The following RARB variants were observed in gnomAD, a reference collection of about 807,000 sequenced individuals.
RARB encodes the protein HBV-activated protein.
In RARB, 17 loss-of-function variants were observed where a neutral mutation model predicts 51.9. The observed-to-expected ratio is 0.33, with a 90% confidence interval of 0.22 to 0.49. RARB has a LOEUF of 0.49. Among genes scored for constraint, RARB ranks in the 20% least tolerant of loss-of-function variants. The pLI, the probability that RARB is intolerant of heterozygous loss-of-function variation, is 0.99. For missense variants in RARB, 369 were observed against 550.8 expected (o/e 0.67, Z 3.30); for synonymous variants, 215 against 195.4 (o/e 1.10, Z -0.84).
chr3:25,240,848 A>T (rs1433020778), intron 5 of RARB, among the ~76,000 whole-genome samples: 4 of 152,138 alleles, frequency 2.6e-5, no homozygotes, highest in Non-Finnish European at 5.9e-5. Context: ...TTGGCTTTGT[A>T]GAATGAATTA....
At chr3:25,519,082 T>C (rs1698294319) in intron 3 of RARB, among the ~76,000 whole-genome samples, 1 of 152,222 alleles carries the variant, frequency 6.6e-6, no homozygotes, top group African/African-American at 2.4e-5. Flanking sequence ...ATTACCTCTG[T>C]AGGATTTTCC....
chr3:24,868,864 G>T (rs2125347690), intron 2 of RARB, among the ~76,000 whole-genome samples: 1 of 152,164 alleles, frequency 6.6e-6, no homozygotes, highest in East Asian at 1.9e-4. Flanking sequence ...CAGATGGCCT[G>T]CCTTTCTGGG....
intron 3 of RARB, among the ~76,000 whole-genome samples, chr3:25,068,821 G>T (rs770744911): frequency 2.0e-5 from 3 of 152,110 alleles, no homozygotes; most frequent in Admixed American, 6.5e-5. Context: ...GGGGAAGAGC[G>T]GCTTATCTTC....
At chr3:25,276,869 T>A (rs1319172952) in intron 5 of RARB, among the ~76,000 whole-genome samples, 1 of 152,192 alleles carries the variant, frequency 6.6e-6, no homozygotes, top group East Asian at 1.9e-4. Context: ...ACGGTATATA[T>A]TGGCAGTAAT....
chr3:25,061,119 G>A (rs1035120081), intron 3 of RARB, among the ~76,000 whole-genome samples: 11 of 151,842 alleles, frequency 7.2e-5, no homozygotes, highest in Admixed American at 6.6e-4. Flanking sequence ...ACTTGGCCTG[G>A]AACTTTTGCA....
intron 1 of RARB, among the ~76,000 whole-genome samples, chr3:25,457,876 G>A (rs1372667384): frequency 6.6e-6 from 1 of 152,084 alleles, no homozygotes; most frequent in Non-Finnish European, 1.5e-5. Context: ...AAAACACACC[G>A]CTCCCCACCT....
intron 2 of RARB, among the ~76,000 whole-genome samples, chr3:24,943,598 G>A (rs1695715041): frequency 6.6e-6 from 1 of 152,132 alleles, no homozygotes; most frequent in South Asian, 2.1e-4. Flanking sequence ...AGGAAATGTG[G>A]GTGCAGGTTT....
intron 5 of RARB, among the ~76,000 whole-genome samples, chr3:25,353,904 A>G (rs1036052662): frequency 1.3e-5 from 2 of 152,094 alleles, no homozygotes; most frequent in Non-Finnish European, 2.9e-5. Context: ...AAGGAGAGAG[A>G]ACAAGAGTTT....
chr3:25,350,273 T>C (rs149385904), intron 5 of RARB, among the ~76,000 whole-genome samples: 1 of 152,238 alleles, frequency 6.6e-6, no homozygotes, highest in African/African-American at 2.4e-5. Flanking sequence ...ACTGAAGTCA[T>C]GATGATGCTG....
chr3:25,036,055 T>C (rs1697985643), intron 2 of RARB, among the ~76,000 whole-genome samples: 2 of 152,310 alleles, frequency 1.3e-5, no homozygotes, highest in African/African-American at 4.8e-5. Context: ...CCAAGTACTA[T>C]GCCACGCTGT....
At chr3:25,297,698 C>T (rs887238640) in intron 5 of RARB, among the ~76,000 whole-genome samples, 2 of 151,944 alleles carry the variant, frequency 1.3e-5, no homozygotes, top group African/African-American at 4.8e-5. Flanking sequence ...CTGTTAAAAG[C>T]AAGAGATGGT....
At chr3:25,519,455 G>C (rs1031121945) in intron 3 of RARB, among the ~76,000 whole-genome samples, 1 of 152,132 alleles carries the variant, frequency 6.6e-6, no homozygotes, top group Non-Finnish European at 1.5e-5. Context: ...TAATTTCAGA[G>C]ATCCTCCTGG....
chr3:25,011,746 G>C (rs900669363), intron 2 of RARB, among the ~76,000 whole-genome samples: 1 of 152,084 alleles, frequency 6.6e-6, no homozygotes, highest in Admixed American at 6.6e-5. Context: ...AAAGAAGTTG[G>C]TGTGTCCTTA....
chr3:25,028,987 G>T (rs1467359086), intron 2 of RARB, among the ~76,000 whole-genome samples: 2 of 152,144 alleles, frequency 1.3e-5, no homozygotes, highest in Non-Finnish European at 2.9e-5. Flanking sequence ...GGGAGCCCAG[G>T]CGTGTTCTCA....
intron 3 of RARB, among the ~76,000 whole-genome samples, chr3:25,564,979 C>T (rs1700431492): frequency 6.6e-6 from 1 of 152,180 alleles, no homozygotes; most frequent in Admixed American, 6.5e-5. Flanking sequence ...AGAGAGTCAT[C>T]TCCCCACCCA....
intron 3 of RARB, among the ~76,000 whole-genome samples, chr3:25,544,651 C>T (rs911795460): frequency 6.6e-6 from 1 of 152,170 alleles, no homozygotes; most frequent in Non-Finnish European, 1.5e-5. Context: ...ACTTGTCTGG[C>T]TCATTTGACA....
intron 2 of RARB, among the ~76,000 whole-genome samples, chr3:25,477,135 T>G (rs1695991565): frequency 6.6e-6 from 1 of 152,224 alleles, no homozygotes; most frequent in South Asian, 2.1e-4. Flanking sequence ...AAGTATGTCC[T>G]AACAGATCAG....
chr3:25,583,789 A>G (rs1701279660), intron 5 of RARB, among the ~76,000 whole-genome samples: 1 of 152,158 alleles, frequency 6.6e-6, no homozygotes, highest in East Asian at 1.9e-4. Flanking sequence ...TTTGAGTTTC[A>G]TGTTTTCCCA....
chr3:25,054,009 C>T (rs1226185212), intron 2 of RARB, among the ~76,000 whole-genome samples: 11 of 152,080 alleles, frequency 7.2e-5, no homozygotes, highest in Admixed American at 7.2e-4. Flanking sequence ...AGGTCATTGT[C>T]CTTGCTCTTG....
Sources: allele counts gnomAD v4.1 joint callset (sites outside exome capture counted in the v4.1 genomes callset), GRCh38; gene constraint gnomAD v4.1.1; transcripts MANE v1.5; gene names NCBI Gene and HGNC (gene_info 2026-07-23, HGNC 2026-07-21).